The following PIEZO2 variants were observed in gnomAD, a reference collection of about 807,000 sequenced individuals.
PIEZO2 encodes piezo type mechanosensitive ion channel component 2.
In PIEZO2, 172 loss-of-function variants were observed where a neutral mutation model predicts 337.3. The ratio of observed to expected loss-of-function variants is 0.51; its 90% CI spans 0.45 to 0.58. The LOEUF (loss-of-function observed/expected upper bound fraction) is 0.58, where lower values mean the gene tolerates loss of function less well. Ranked by LOEUF, PIEZO2 falls within the 20% of genes least tolerant of loss-of-function variation. The pLI, the probability that PIEZO2 is intolerant of heterozygous loss-of-function variation, is 0.00. For missense variants in PIEZO2, 3,028 were observed against 3,391.3 expected (o/e 0.89, Z 2.66); for synonymous variants, 1,251 against 1,228.5 (o/e 1.02, Z -0.38).
chr18:10,755,042 G>C (rs2037782690), intron 27 of PIEZO2, among the ~76,000 whole-genome samples: 1 of 152,156 alleles, frequency 6.6e-6, no homozygotes, highest in African/African-American at 2.4e-5. Flanking sequence ...ATTGGTATAT[G>C]CATTGGTATA....
Position 10,699,335 on chromosome 18 carries a change from C to T in PIEZO2, c.6442-158G>A, listed in dbSNP as rs548185678. Among the ~76,000 whole-genome samples the T allele has an allele frequency of 2.6e-5, 4 of 152,322 alleles. No homozygotes were observed. In the South Asian group the frequency reaches 8.3e-4, roughly 32 times the overall value. On this transcript the variant is annotated intron_variant, in intron 43 of 55. Coordinates refer to ENST00000674853, the MANE Select transcript of PIEZO2 (RefSeq NM_001378183.1). ...CCCCATATCTCATCTTGAATTCCCA[C>T]ATGTTGTGGGAGAGACCCGGTGGGA...
intron 39 of PIEZO2, among the ~76,000 whole-genome samples, chr18:10,712,321 C>T (rs1459881529): frequency 6.6e-6 from 1 of 152,080 alleles, no homozygotes; most frequent in Non-Finnish European, 1.5e-5. Context: ...TACTTAAGAG[C>T]TTAGGTAACA....
At chr18:10,875,546 AT>A (rs1407174746) in intron 4 of PIEZO2, among the ~76,000 whole-genome samples, 3 of 152,124 alleles carry the variant, frequency 2.0e-5, no homozygotes, top group Non-Finnish European at 2.9e-5. Context: ...ACTCAGGTGG[AT>A]TTTTGGCAAT....
At chr18:10,955,861 T>G (rs1304615755) in intron 3 of PIEZO2, among the ~76,000 whole-genome samples, 1 of 152,210 alleles carries the variant, frequency 6.6e-6, no homozygotes. Flanking sequence ...GATTTAAATT[T>G]TTTGTTTGTT....
rs1239616074 is a variant in PIEZO2, at chr18:10,671,004, G to A, written c.*523C>T. The A allele has an allele frequency of 6.5e-6, 1 of 152,976 alleles. No homozygotes were observed. Among genetic ancestry groups the A allele is most frequent in the Non-Finnish European group, 1.5e-5 (1 of 68,358 alleles). 9.5% of individuals were successfully genotyped at this position (152,976 alleles called of 1,614,324 possible). A position where few individuals can be genotyped will look rare whatever the true frequency, so the allele number is the denominator to read the frequency against. On this transcript the variant is annotated 3_prime_UTR_variant, in exon 56 of 56. Transcript: ENST00000674853. ...CCACTGGCGTCTTCACGGGCAATTA[G>A]TTCCCTCTCTTTTGCTCCTAGAAAC...
intron 3 of PIEZO2, among the ~76,000 whole-genome samples, chr18:10,961,758 T>C (rs2033790860): frequency 6.6e-6 from 1 of 152,130 alleles, no homozygotes; most frequent in Non-Finnish European, 1.5e-5. Context: ...GAATTTGAGT[T>C]GAGTAAAAAA....
In PIEZO2 at chr18:11,033,236, C is replaced by G. The variant is rs1437484827; in HGVS notation, c.160+32891G>C. ...GGACTAAGACTGAGAGGCAAAGTGA[C>G]TTACCTAAAGCCCTAAGGCTGGCCT... On this transcript the variant is annotated intron_variant, in intron 2 of 55. Coordinates refer to ENST00000674853, the MANE Select transcript of PIEZO2 (RefSeq NM_001378183.1). This position sits in a 1 kb window ranked among gnomAD's most constrained non-coding sequence, Gnocchi z 4.2. Among the ~76,000 whole-genome samples, 1 of 152,224 alleles carries G rather than the reference C, an allele frequency of 6.6e-6. No individual in the cohort carries two copies. The highest frequency in any genetic ancestry group is 1.5e-5 in the Non-Finnish European group (1 of 68,046).
chr18:11,011,093 C>A (rs2035882945), intron 2 of PIEZO2, among the ~76,000 whole-genome samples: 1 of 152,200 alleles, frequency 6.6e-6, no homozygotes, highest in Admixed American at 6.5e-5. Context: ...ACAATCCAAT[C>A]CTTCAGTCAT....
In PIEZO2 at chr18:10,878,880, A is replaced by C. The variant is rs2042336959; in HGVS notation, c.330-7465T>G. 6.6e-6 allele frequency among the ~76,000 whole-genome samples: 1 copy of C among 152,078 alleles called. No homozygotes were observed. Among genetic ancestry groups the C allele is most frequent in the Non-Finnish European group, 1.5e-5 (1 of 68,010 alleles). On this transcript the variant is annotated intron_variant, in intron 4 of 55. Coordinates refer to ENST00000674853, the MANE Select transcript of PIEZO2 (RefSeq NM_001378183.1). This position sits in a 1 kb window ranked among gnomAD's most constrained non-coding sequence, Gnocchi z 4.3. ...AATGAAGGCCACAGGAGAAACAGTG[A>C]CGTGGCTGCTGGTAGTGCAGGTGGT... is the stretch of plus-strand genomic sequence containing the variant.
chr18:11,081,836 T>G (rs1032412079), intron 1 of PIEZO2, among the ~76,000 whole-genome samples: 2 of 151,776 alleles, frequency 1.3e-5, no homozygotes, highest in African/African-American at 4.8e-5. Flanking sequence ...CTCAGCTTAC[T>G]GCAACCTCCA....
chr18:10,740,882 A>G (rs1428267699), intron 33 of PIEZO2, 149 bp downstream of exon 33: 2 of 784,980 alleles, frequency 2.5e-6, no homozygotes, highest in African/African-American at 3.4e-5. Flanking sequence ...AGACCCACTG[A>G]CATTAAAATT....
intron 3 of PIEZO2, among the ~76,000 whole-genome samples, chr18:10,958,106 G>T (rs1402542734): frequency 1.1e-4 from 16 of 152,158 alleles, no homozygotes; most frequent in Admixed American, 1.0e-3. Context: ...CAGTGTAGTG[G>T]CTCCTCAAAA....
At chr18:11,017,651 G>T (rs2036164166) in intron 2 of PIEZO2, among the ~76,000 whole-genome samples, 1 of 152,106 alleles carries the variant, frequency 6.6e-6, no homozygotes. Context: ...CTGTATAAAA[G>T]AAATCGTATG....
intron 21 of PIEZO2, among the ~76,000 whole-genome samples, chr18:10,765,808 A>T (rs1881089): frequency 3.3e-5 from 5 of 151,676 alleles, no homozygotes; most frequent in African/African-American, 1.2e-4. Context: ...GTGGACAGAG[A>T]CTGAGGAACA....
chr18:11,000,072 C>G (rs373428942), intron 2 of PIEZO2, among the ~76,000 whole-genome samples: 1 of 152,314 alleles, frequency 6.6e-6, no homozygotes, highest in East Asian at 1.9e-4. Context: ...CATTCAAGCA[C>G]TCTTCAAAAC....
intron 20 of PIEZO2, among the ~76,000 whole-genome samples, chr18:10,771,458 G>C (rs1384277912): frequency 1.3e-5 from 2 of 152,360 alleles, no homozygotes; most frequent in African/African-American, 4.8e-5. Flanking sequence ...CAGCAGGACT[G>C]TTTTGTAATA....
At chr18:10,741,257 T>C (rs1449916327) in intron 32 of PIEZO2, among the ~76,000 whole-genome samples, 155 bp from the exon 33 acceptor site, 3 of 152,348 alleles carry the variant, frequency 2.0e-5, no homozygotes, top group African/African-American at 4.8e-5. Context: ...AAAATATACA[T>C]GTATTAACAG....
At chr18:10,838,029 G>A (rs1269243632) in intron 7 of PIEZO2, among the ~76,000 whole-genome samples, 1 of 152,116 alleles carries the variant, frequency 6.6e-6, no homozygotes, top group Non-Finnish European at 1.5e-5. Context: ...TGTGTTTACA[G>A]GCATGAGCCA....
intron 21 of PIEZO2, among the ~76,000 whole-genome samples, chr18:10,764,271 A>G (rs535767974): frequency 1.1e-4 from 17 of 152,350 alleles, no homozygotes; most frequent in Non-Finnish European, 1.9e-4. Flanking sequence ...ATTTGATACA[A>G]CTAAACATGT....
Sources: gnomAD v4.1 joint callset for allele counts (sites outside exome capture counted in the v4.1 genomes callset) on GRCh38, gnomAD v4.1.1 for gene constraint, Gnocchi (gnomAD v3.1) non-coding constraint, MANE v1.5 for transcripts, NCBI Gene and HGNC (gene_info 2026-07-23, HGNC 2026-07-21) for gene names.